Variants in MARVELD2 observed in about 807,000 individuals in gnomAD.
The protein encoded by MARVELD2 is MARVEL domain containing 2, also known as MARVEL domain-containing protein 2.
MARVELD2 carries 49 observed loss-of-function variants against 57.6 expected under a neutral mutation model. The observed-to-expected ratio is 0.85, with a 90% CI of 0.68 to 1.08. MARVELD2 has a LOEUF of 1.08. MARVELD2 is among the 50% of genes least tolerant of loss of function. The pLI is 0.00. For synonymous variants in MARVELD2, 238 were observed against 258.8 expected (o/e 0.92, Z 0.77); for missense variants, 606 against 701.1 (o/e 0.86, Z 1.53).
At chr5:69,437,755 T>A (rs1166635900) in intron 5 of MARVELD2, among the ~76,000 whole-genome samples, 1 of 152,024 alleles carries the variant, frequency 6.6e-6, no homozygotes, top group Non-Finnish European at 1.5e-5. Context: ...GTATCTGGTT[T>A]GTGTGCTTTG....
intron 3 of MARVELD2, among the ~76,000 whole-genome samples, chr5:69,425,807 C>T (rs1388328322): frequency 2.0e-5 from 3 of 151,274 alleles, no homozygotes; most frequent in African/African-American, 4.9e-5. Context: ...CGGCTCACTG[C>T]AAGCTCCGCC....
chr5:69,431,368 C>T (rs1766959167), intron 3 of MARVELD2, among the ~76,000 whole-genome samples: 1 of 152,136 alleles, frequency 6.6e-6, no homozygotes, highest in Non-Finnish European at 1.5e-5. Flanking sequence ...CGACCTCGGC[C>T]TCCCAAGGTG....
chr5:69,438,396 T>A (rs773038267), intron 5 of MARVELD2, among the ~76,000 whole-genome samples: 8 of 152,204 alleles, frequency 5.3e-5, no homozygotes, highest in Non-Finnish European at 8.8e-5. Context: ...TTATCTTCAC[T>A]GCTGGCAAGC....
intron 1 of MARVELD2, among the ~76,000 whole-genome samples, chr5:69,417,887 C>T (rs567629826): frequency 3.4e-5 from 5 of 149,084 alleles, no homozygotes; most frequent in Non-Finnish European, 7.4e-5. Context: ...TGCAGTGAGC[C>T]GAGATGGCAC....
chr5:69,429,502 G>A (rs1459416676), intron 3 of MARVELD2, among the ~76,000 whole-genome samples: 1 of 152,102 alleles, frequency 6.6e-6, no homozygotes, highest in East Asian at 1.9e-4. Flanking sequence ...GGGGAGGGAG[G>A]TTACTGCTCC....
At chr5:69,424,708 A>G (rs1031737183) in intron 3 of MARVELD2, 72 bp downstream of exon 3, 7 of 1,191,384 alleles carry the variant, frequency 5.9e-6, no homozygotes, top group African/African-American at 4.4e-5. Context: ...GTTTATCTAC[A>G]TAGTAGTATC....
intron 5 of MARVELD2, among the ~76,000 whole-genome samples, chr5:69,435,959 G>A (rs1767123791): frequency 6.6e-6 from 1 of 151,870 alleles, no homozygotes; most frequent in Non-Finnish European, 1.5e-5. Context: ...TTTAGCATAA[G>A]TCAATACATA....
chr5:69,429,845 CAAA>C (rs35899728), intron 3 of MARVELD2, among the ~76,000 whole-genome samples: 94,455 of 126,620 alleles, frequency 0.75, 35,815 homozygotes, highest in East Asian at 0.86. Context: ...GACTCTGTAT[CAAA>C]AAAAAAAAAA....
At chr5:69,429,843 A>G (rs951757649) in intron 3 of MARVELD2, among the ~76,000 whole-genome samples, 14 of 6,448 alleles carry the variant, frequency 2.2e-3, no homozygotes, top group African/African-American at 0.014. Flanking sequence ...GAGACTCTGT[A>G]TCAAAAAAAA....
At chr5:69,430,304 T>C (rs1385135661) in intron 3 of MARVELD2, among the ~76,000 whole-genome samples, 2 of 151,224 alleles carry the variant, frequency 1.3e-5, no homozygotes, top group African/African-American at 4.9e-5. Context: ...GAGGCAGAGG[T>C]TGCAGTGAGT....
intron 3 of MARVELD2, among the ~76,000 whole-genome samples, chr5:69,428,221 G>T (rs1766858946): frequency 8.7e-6 from 1 of 115,552 alleles, no homozygotes; most frequent in African/African-American, 3.1e-5. Flanking sequence ...AAAAATTTAG[G>T]CCGGGCATGG....
chr5:69,417,804 T>C (rs1012065162), intron 1 of MARVELD2, among the ~76,000 whole-genome samples: 1 of 152,018 alleles, frequency 6.6e-6, no homozygotes, highest in Non-Finnish European at 1.5e-5. Flanking sequence ...CCGGGCGTGG[T>C]GGCGAGCACC....
In MARVELD2 at chr5:69,416,932, A is replaced by G. The variant is rs191126479; in HGVS notation, c.-16+1762A>G. ...GTCACTCCTCTATTCAGAATCCTCC[A>G]GTGGCTTCTCATCTCACTCCTAGCA... On this transcript the variant is annotated intron_variant, in intron 1 of 6. Transcript: ENST00000325631. Among the ~76,000 whole-genome samples, 225 of 152,296 alleles carry G rather than the reference A, an allele frequency of 1.5e-3. 2 individuals carry two copies. In the Middle Eastern group the frequency reaches 0.017, roughly 12 times the overall value.
intron 6 of MARVELD2, 40 bp downstream of exon 6, chr5:69,440,540 A>C (rs1170624125): frequency 1.8e-6 from 2 of 1,118,768 alleles, no homozygotes; most frequent in East Asian, 4.8e-5. Context: ...TTCTTATCCA[A>C]GTACATATGT....
At chr5:69,415,906 G>C (rs1766397049) in intron 1 of MARVELD2, among the ~76,000 whole-genome samples, 1 of 152,200 alleles carries the variant, frequency 6.6e-6, no homozygotes, top group Non-Finnish European at 1.5e-5. Context: ...GGACCAGAAC[G>C]AACTCTCAGT....
At chr5:69,417,554 A>G (rs1196476330) in intron 1 of MARVELD2, among the ~76,000 whole-genome samples, 3 of 152,244 alleles carry the variant, frequency 2.0e-5, no homozygotes, top group African/African-American at 7.2e-5. Flanking sequence ...TTGTAATCCC[A>G]GCACTTTGGG....
intron 3 of MARVELD2, among the ~76,000 whole-genome samples, chr5:69,425,957 T>A (rs947379438): frequency 5.9e-5 from 9 of 151,864 alleles, no homozygotes; most frequent in African/African-American, 2.2e-4. Flanking sequence ...GAGGTCAGGA[T>A]GTTCTCGATC....
At chr5:69,432,241 T>A (rs1402205254) in intron 3 of MARVELD2, among the ~76,000 whole-genome samples, 2 of 152,026 alleles carry the variant, frequency 1.3e-5, no homozygotes, top group Non-Finnish European at 2.9e-5. Flanking sequence ...AAACTCCTGA[T>A]CTCAAGTGGT....
intron 3 of MARVELD2, among the ~76,000 whole-genome samples, chr5:69,431,575 G>A (rs111784583): frequency 3.3e-4 from 50 of 152,170 alleles, no homozygotes; most frequent in African/African-American, 1.1e-3. Context: ...TAGTTGGGGT[G>A]TAAATTCTAA....
Sources: gnomAD v4.1 joint callset for allele counts (sites outside exome capture counted in the v4.1 genomes callset) on GRCh38, gnomAD v4.1.1 for gene constraint, MANE v1.5 for transcripts, NCBI Gene and HGNC (gene_info 2026-07-23, HGNC 2026-07-21) for gene names.